Variants in SP3 observed in about 807,000 individuals in gnomAD.
SP3 encodes the protein transcription factor Sp3.
SP3 carries 10 observed loss-of-function variants against 70.3 expected under a neutral mutation model. That is an observed-to-expected ratio of 0.14 (90% CI 0.09 to 0.24). SP3 has a LOEUF of 0.24. Among genes scored for constraint, SP3 ranks in the 10% least tolerant of loss-of-function variants. The pLI is 1.00. For synonymous variants in SP3, 402 were observed against 333.5 expected (o/e 1.21, Z -2.24); for missense variants, 825 against 914.6 (o/e 0.90, Z 1.26).
At chr2:173,915,240 A>C (rs1294522886) in intron 5 of SP3, 1 of 152,120 alleles carries the variant, frequency 6.6e-6, no homozygotes, top group Non-Finnish European at 1.5e-5. Context: ...GAAAGAAAAA[A>C]CATAGGGGCG....
At position 173,902,028 on chromosome 2, in the gene SP3, T is replaced by C. The variant is rs190840723; in HGVS notation, c.*7913A>G. 6.6e-6 allele frequency among the ~76,000 whole-genome samples: 1 copy of C among 152,110 alleles called. No homozygotes were observed. Among genetic ancestry groups the C allele is most frequent in the African/African-American group, 2.4e-5 (1 of 41,402 alleles). On this transcript the variant is annotated 3_prime_UTR_variant, in exon 7 of 7. Transcript: ENST00000310015. Reference sequence around the variant, plus strand: ...TATTCAACTCAAGAGAGTGGTCTACTATGTGAGAAGACCCCTACAGTGAGA... The same window carrying C: ...TATTCAACTCAAGAGAGTGGTCTACCATGTGAGAAGACCCCTACAGTGAGA...
rs1172279525 is a variant in SP3 at position 173,902,124 on chromosome 2, T to C, written c.*7817A>G. Among the ~76,000 whole-genome samples the C allele has an allele frequency of 6.6e-6, 1 of 152,212 alleles. No individual in the cohort carries two copies. Among genetic ancestry groups the C allele is most frequent in the African/African-American group, 2.4e-5 (1 of 41,454 alleles). Reference sequence around the variant, plus strand: ...GAAGGTGGAACCAGTGAGAAAAACATGCATTGTTTCTGCTACAGTTAACAA... The same window carrying C: ...GAAGGTGGAACCAGTGAGAAAAACACGCATTGTTTCTGCTACAGTTAACAA... On this transcript the variant is annotated 3_prime_UTR_variant, in exon 7 of 7. Transcript: ENST00000310015.
chr2:173,962,011 A>G (rs1691104778), intron 3 of SP3, among the ~76,000 whole-genome samples: 1 of 137,074 alleles, frequency 7.3e-6, no homozygotes, highest in Non-Finnish European at 1.5e-5. Context: ...GATGTATTTG[A>G]TTGATAAATC....
chr2:173,923,093 CAG>C (rs1242392689), intron 4 of SP3, among the ~76,000 whole-genome samples: 1 of 152,046 alleles, frequency 6.6e-6, no homozygotes, highest in Non-Finnish European at 1.5e-5. Context: ...GCAATGAAAA[CAG>C]AAATTCAAGG....
At chr2:173,952,460 G>A (rs1377431189) in intron 4 of SP3, among the ~76,000 whole-genome samples, 2 of 152,108 alleles carry the variant, frequency 1.3e-5, no homozygotes, top group African/African-American at 2.4e-5. Context: ...GAGAGAAATT[G>A]GGACTCTCAA....
At chr2:173,918,001 T>TTA (rs1553515546) in intron 5 of SP3, among the ~76,000 whole-genome samples, 7 of 150,942 alleles carry the variant, frequency 4.6e-5, no homozygotes, top group Admixed American at 1.3e-4. Context: ...TTTTTTTTTT[T>TTA]AAAAAAAATA....
At chr2:173,963,646 C>T (rs1390514084) in intron 3 of SP3, 115 bp downstream of exon 3, 2 of 209,266 alleles carry the variant, frequency 9.6e-6, no homozygotes, top group Non-Finnish European at 1.7e-5. Context: ...AGCCCAGCGG[C>T]CCGTGCGGGT....
intron 4 of SP3, among the ~76,000 whole-genome samples, chr2:173,947,169 T>C (rs985003172): frequency 6.6e-6 from 1 of 152,252 alleles, no homozygotes; most frequent in African/African-American, 2.4e-5. Flanking sequence ...AAACTTGATC[T>C]GTAGATTGTA....
intron 5 of SP3, chr2:173,915,337 G>C (rs2105456619): frequency 6.6e-6 from 1 of 152,228 alleles, no homozygotes; most frequent in South Asian, 2.1e-4. Context: ...GTAAGATATA[G>C]ATATGGTAGA....
At chr2:173,956,370 CA>C (rs1690893567) in intron 3 of SP3, 138 bp from the exon 4 acceptor site, 2 of 839,922 alleles carry the variant, frequency 2.4e-6, no homozygotes, top group Admixed American at 5.9e-5. Context: ...AATACAGGAG[CA>C]GTACTATATG....
At position 173,901,209 on chromosome 2, in the gene SP3, C is replaced by T. The variant is rs896957000; in HGVS notation, c.*8732G>A. 6.6e-5 allele frequency among the ~76,000 whole-genome samples: 10 copies of T among 151,814 alleles called. No homozygotes were observed. The highest frequency in any genetic ancestry group is 2.4e-4 in the African/African-American group (10 of 41,312). ...TGAATTAACAAGATAAATAGAAAGG[C>T]AAAATCATAAAATTTTTAGACAAAA... is the stretch of plus-strand genomic sequence containing the variant. On this transcript the variant is annotated 3_prime_UTR_variant, in exon 7 of 7. Transcript: ENST00000310015.
chr2:173,932,294 C>CAATT (rs1284954797), intron 4 of SP3, among the ~76,000 whole-genome samples: 1 of 152,172 alleles, frequency 6.6e-6, no homozygotes, highest in Non-Finnish European at 1.5e-5. Context: ...TGGGTTCAAG[C>CAATT]AATTGTTCTG....
At position 173,965,326 on chromosome 2, in the gene SP3, A is replaced by G; in HGVS notation, c.-155T>C. On this transcript the variant is annotated 5_prime_UTR_variant, in exon 1 of 7. Transcript: ENST00000310015. ...TTCCTATTTTGATTGACTGTGCGGGAAACACAAAAGGTGGAGCCTCCAGCC... is the reference window on the plus strand; with the variant it reads ...TTCCTATTTTGATTGACTGTGCGGGGAACACAAAAGGTGGAGCCTCCAGCC... 1.1e-6 allele frequency: 1 copy of G among 875,180 alleles called. No homozygotes were observed. The highest frequency in any genetic ancestry group is 2.6e-5 in the Admixed American group (1 of 37,992). 54.2% of individuals were successfully genotyped at this position (875,180 alleles called of 1,614,324 possible). A position where few individuals can be genotyped will look rare whatever the true frequency, so the allele number is the denominator to read the frequency against.
At chr2:173,961,417 A>G (rs1471471345) in intron 3 of SP3, among the ~76,000 whole-genome samples, 1 of 152,200 alleles carries the variant, frequency 6.6e-6, no homozygotes, top group Non-Finnish European at 1.5e-5. Flanking sequence ...GTATATTTCC[A>G]CTTGTTTAAA....
Position 173,956,053 on chromosome 2 carries a change from G to A in SP3, c.459C>T (p.Ser153=), listed in dbSNP as rs755948774. ...TTGATGAATCTGATCCTGGTGCAAC[G>A]GAAAATATTTGTTGATTCTGCAAAT... ...LQNLQNQQIF[S]VAPGSDSSNG... Residue 153 remains serine (S), a synonymous_variant, in exon 4 of 7, where the codon TCC becomes TCT. Coordinates refer to ENST00000310015, the MANE Select transcript of SP3 (RefSeq NM_003111.5). 8.7e-6 allele frequency: 14 copies of A among 1,613,986 alleles called. No homozygotes were observed. The highest frequency in any genetic ancestry group is 4.4e-5 in the South Asian group (4 of 91,072).
At chr2:173,950,319 TA>T (rs59056112) in intron 4 of SP3, among the ~76,000 whole-genome samples, 2,154 of 144,180 alleles carry the variant, frequency 0.015, 38 homozygotes, top group African/African-American at 0.044. Flanking sequence ...AGCCCTGGTT[TA>T]AAAAAAAAAA....
chr2:173,915,533 ATAATT>A (rs1377225770), intron 5 of SP3: 1 of 152,184 alleles, frequency 6.6e-6, no homozygotes, highest in Non-Finnish European at 1.5e-5. Flanking sequence ...CTTGTTCCCA[ATAATT>A]TAATAATGCT....
In SP3 at chr2:173,918,713, T is replaced by C. The variant is rs925663059; in HGVS notation, c.1712A>G (p.Asn571Ser). Residue 571 changes from asparagine (N) to serine (S), a missense_variant, in exon 5 of 7, where the codon AAT becomes AGT. Coordinates refer to ENST00000310015, the MANE Select transcript of SP3 (RefSeq NM_003111.5). ...QLSGDSTLNT[N>S]DLTHLRVQVV... ...CTGTACTCTTAAGTGTGTTAGGTCA[T>C]TGGTATTCAAGGTAGAATCACCACT... The C allele has an allele frequency of 1.2e-6, 2 of 1,613,888 alleles. No homozygotes were observed. The highest frequency in any genetic ancestry group is 8.5e-7 in the Non-Finnish European group (1 of 1,179,810).
chr2:173,925,619 C>A (rs1388412547), intron 4 of SP3, among the ~76,000 whole-genome samples: 1 of 152,162 alleles, frequency 6.6e-6, no homozygotes, highest in African/African-American at 2.4e-5. Flanking sequence ...TGTTGTCCCA[C>A]TCCCATAGAG....
Sources: gnomAD v4.1 joint callset for allele counts (sites outside exome capture counted in the v4.1 genomes callset) on GRCh38, gnomAD v4.1.1 for gene constraint, MANE v1.5 for transcripts, NCBI Gene and HGNC (gene_info 2026-07-23, HGNC 2026-07-21) for gene names.